PARD3: variants seen among roughly 807,000 people sequenced by gnomAD.
The protein encoded by PARD3 is par-3 family cell polarity regulator, also known as partitioning defective 3 homolog.
In PARD3, 75 loss-of-function variants were observed where a neutral mutation model predicts 155.4. That is an observed-to-expected ratio of 0.48 (90% CI 0.40 to 0.58). PARD3 has a LOEUF of 0.58. Ranked by LOEUF, PARD3 falls within the 20% of genes least tolerant of loss-of-function variation. The pLI is 0.00. For synonymous variants in PARD3, 576 were observed against 610.5 expected (o/e 0.94, Z 0.83); for missense variants, 1,642 against 1,721.7 (o/e 0.95, Z 0.82).
intron 3 of PARD3, among the ~76,000 whole-genome samples, chr10:34,486,974 G>A (rs939077701): frequency 6.6e-5 from 10 of 151,930 alleles, no homozygotes; most frequent in Admixed American, 3.9e-4. Context: ...AGGCCTGGCC[G>A]TCTCCAAGTC....
At chr10:34,248,064 T>C (rs1954073679) in intron 22 of PARD3, among the ~76,000 whole-genome samples, 2 of 152,228 alleles carry the variant, frequency 1.3e-5, no homozygotes, top group Admixed American at 1.3e-4. Context: ...AGTTCTTTAA[T>C]GCAACAAATT....
rs75411505 is a variant in PARD3, at chr10:34,712,769, T to C, written c.121-16350A>G. 1.0e-3 allele frequency among the ~76,000 whole-genome samples: 157 copies of C among 152,098 alleles called. 1 individual carries two copies. Among genetic ancestry groups the C allele is most frequent in the African/African-American group, 3.7e-3 (154 of 41,496 alleles). On this transcript the variant is annotated intron_variant, in intron 1 of 24. Coordinates refer to ENST00000374788, the MANE Select transcript of PARD3 (RefSeq NM_001184785.2). ...GGCAACAATAAACACTGGGGACTACTAGATGGAGAAGGGAGGGTGAGGAGA... is the reference window on the plus strand; with the variant it reads ...GGCAACAATAAACACTGGGGACTACCAGATGGAGAAGGGAGGGTGAGGAGA...
intron 1 of PARD3, among the ~76,000 whole-genome samples, chr10:34,792,048 CCTCGTGACATGCGCCCAGGTGCTCG>C (rs1472443701): frequency 2.6e-5 from 4 of 152,154 alleles, no homozygotes; most frequent in Admixed American, 2.6e-4. Context: ...CACGTGCTCG[CCTCGTGACATGCGCCCAGGTGCTCG>C]CTTGCTCAGA....
chr10:34,325,397 T>G (rs1958629576), intron 19 of PARD3, among the ~76,000 whole-genome samples: 1 of 152,102 alleles, frequency 6.6e-6, no homozygotes, highest in African/African-American at 2.4e-5. Context: ...CTATGTTCCA[T>G]ATTTCTCTGT....
intron 2 of PARD3, among the ~76,000 whole-genome samples, chr10:34,694,182 GGAC>G (rs1331003316): frequency 7.2e-5 from 11 of 151,734 alleles, no homozygotes; most frequent in African/African-American, 2.7e-4. Flanking sequence ...AAAAAAAGAA[GGAC>G]GAAGAAGAAG....
At chr10:34,390,897 C>T (rs1842815231) in intron 7 of PARD3, among the ~76,000 whole-genome samples, 1 of 152,172 alleles carries the variant, frequency 6.6e-6, no homozygotes, top group Non-Finnish European at 1.5e-5. Flanking sequence ...TGAGCATCAT[C>T]TTTCCTTTCC....
At chr10:34,118,269 C>T (rs1309562394) in intron 24 of PARD3, among the ~76,000 whole-genome samples, 3 of 152,190 alleles carry the variant, frequency 2.0e-5, no homozygotes, top group Non-Finnish European at 4.4e-5. Flanking sequence ...GAGACTCATT[C>T]ACATCCATGT....
intron 5 of PARD3, among the ~76,000 whole-genome samples, chr10:34,444,821 T>A (rs1262221910): frequency 6.6e-6 from 1 of 152,224 alleles, no homozygotes; most frequent in African/African-American, 2.4e-5. Context: ...CTTAGCACTT[T>A]AAAGCACTCT....
chr10:34,209,996 A>G (rs1206976823), intron 22 of PARD3, among the ~76,000 whole-genome samples: 1 of 152,204 alleles, frequency 6.6e-6, no homozygotes, highest in African/African-American at 2.4e-5. Flanking sequence ...TTTCTAATAT[A>G]TTTTATATGC....
At chr10:34,700,588 T>C (rs574898168) in intron 1 of PARD3, among the ~76,000 whole-genome samples, 2 of 152,006 alleles carry the variant, frequency 1.3e-5, no homozygotes, top group South Asian at 4.2e-4. Context: ...AAAAAATCTA[T>C]GTTGATAAAA....
At chr10:34,772,857 C>G (rs1271809038) in intron 1 of PARD3, among the ~76,000 whole-genome samples, 1 of 149,328 alleles carries the variant, frequency 6.7e-6, no homozygotes, top group Non-Finnish European at 1.5e-5. Flanking sequence ...CTCAACGGAG[C>G]AAGAAAGCCT....
At chr10:34,356,175 A>G (rs1187421417) in intron 14 of PARD3, among the ~76,000 whole-genome samples, 3 of 152,158 alleles carry the variant, frequency 2.0e-5, no homozygotes, top group Non-Finnish European at 2.9e-5. Context: ...AATGTCTCCA[A>G]TGTGCCCTGT....
In PARD3 at chr10:34,276,201, C is replaced by T. The variant is rs555225149; in HGVS notation, c.3177-6302G>A. On this transcript the variant is annotated intron_variant, in intron 21 of 24. Transcript: ENST00000374788. ...ATTTTTAACTTAATAAAGAACTTAT[C>T]ATTTCAACTTGTTATGTTCAAGCAT... Among the ~76,000 whole-genome samples, 15 of 152,012 alleles carry T rather than the reference C, an allele frequency of 9.9e-5. No individual in the cohort carries two copies. The South Asian group carries it at 3.1e-3, about 32-fold the overall frequency.
At chr10:34,142,683 G>A (rs939853609) in intron 22 of PARD3, among the ~76,000 whole-genome samples, 3 of 152,080 alleles carry the variant, frequency 2.0e-5, no homozygotes, top group Non-Finnish European at 2.9e-5. Context: ...AGGCAGGCAG[G>A]CATCATTTTT....
intron 2 of PARD3, among the ~76,000 whole-genome samples, chr10:34,655,478 G>A (rs1026800760): frequency 1.3e-5 from 2 of 152,058 alleles, no homozygotes; most frequent in African/African-American, 2.4e-5. Context: ...ACCAACCCTG[G>A]AGAAAAGTGC....
chr10:34,710,911 G>A (rs896569961), intron 1 of PARD3, among the ~76,000 whole-genome samples: 1 of 152,074 alleles, frequency 6.6e-6, no homozygotes, highest in African/African-American at 2.4e-5. Context: ...CACAGTAACT[G>A]GCACGCATAA....
intron 1 of PARD3, among the ~76,000 whole-genome samples, chr10:34,764,172 C>G (rs1407499995): frequency 6.6e-6 from 1 of 152,102 alleles, no homozygotes; most frequent in East Asian, 1.9e-4. Flanking sequence ...CTCAAGAAAC[C>G]CAATAGAAAT....
chr10:34,228,762 A>G (rs1952758306), intron 22 of PARD3, among the ~76,000 whole-genome samples: 1 of 152,084 alleles, frequency 6.6e-6, no homozygotes, highest in African/African-American at 2.4e-5. Flanking sequence ...AATTACTTAA[A>G]TGAAAAAACA....
At chr10:34,791,613 C>T (rs940083291) in intron 1 of PARD3, among the ~76,000 whole-genome samples, 3 of 152,140 alleles carry the variant, frequency 2.0e-5, no homozygotes, top group Non-Finnish European at 2.9e-5. Context: ...TGGTAGTGAG[C>T]GCCTAGAGTC....
Sources: allele counts gnomAD v4.1 joint callset (sites outside exome capture counted in the v4.1 genomes callset), GRCh38; gene constraint gnomAD v4.1.1; transcripts MANE v1.5; gene names NCBI Gene and HGNC (gene_info 2026-07-23, HGNC 2026-07-21).